The following TTC7B variants were observed in gnomAD, a reference collection of about 807,000 sequenced individuals.
TTC7B encodes tetratricopeptide repeat protein 7B.
A neutral mutation model predicts 106.8 loss-of-function variants in TTC7B; 28 were observed. The ratio of observed to expected loss-of-function variants is 0.26; its 90% CI spans 0.19 to 0.36. The LOEUF (loss-of-function observed/expected upper bound fraction) is 0.36. Ranked by LOEUF, TTC7B falls within the 10% of genes least tolerant of loss-of-function variation. The pLI is 1.00. For synonymous variants in TTC7B, 405 were observed against 430.6 expected, an observed-to-expected ratio of 0.94 and a Z score of 0.74; for missense variants, 862 against 1,076.4, an observed-to-expected ratio of 0.80 and a Z score of 2.79.
At chr14:90,651,026 T>C (rs1885694678) in intron 13 of TTC7B, among the ~76,000 whole-genome samples, 1 of 152,248 alleles carries the variant, frequency 6.6e-6, no homozygotes, top group African/African-American at 2.4e-5. Flanking sequence ...TGTGTTTTCT[T>C]TTTAAACAAA....
At position 90,805,234 on chromosome 14, in the gene TTC7B, C is replaced by T. The variant is rs1390911414; in HGVS notation, c.121+10941G>A. 1.3e-5 allele frequency among the ~76,000 whole-genome samples: 2 copies of T among 152,118 alleles called. No individual in the cohort carries two copies. Among genetic ancestry groups the T allele is most frequent in the East Asian group, 3.9e-4 (2 of 5,192 alleles). ...ACACAGTAGGTGTTCAGTAAGAGCT[C>T]GATGAGTAATGAATCTAAGTAAACT... On this transcript the variant is annotated intron_variant, in intron 1 of 19. Transcript: ENST00000328459. The surrounding 1 kb of genome is among the most constrained non-coding windows in gnomAD (Gnocchi z 4.0).
At chr14:90,658,635 G>C (rs145394515) in intron 9 of TTC7B, among the ~76,000 whole-genome samples, 179 of 152,306 alleles carry the variant, frequency 1.2e-3, no homozygotes, top group African/African-American at 4.0e-3. Flanking sequence ...GAGTAGCTTT[G>C]TATCTGGCAC....
intron 7 of TTC7B, among the ~76,000 whole-genome samples, chr14:90,685,602 G>A (rs1288446116): frequency 6.6e-6 from 1 of 152,140 alleles, no homozygotes; most frequent in African/African-American, 2.4e-5. Context: ...CTTTTAGTTA[G>A]ACTGACTCTA....
chr14:90,794,340 C>T (rs1362361564), intron 1 of TTC7B, among the ~76,000 whole-genome samples: 4 of 151,034 alleles, frequency 2.6e-5, no homozygotes, highest in Non-Finnish European at 4.4e-5. Context: ...GATTCTCCTA[C>T]CTCAGCCTCC....
At position 90,536,862 on chromosome 14, in the gene TTC7B, G is replaced by A. The variant is rs1889430561; in HGVS notation, c.*4506C>T. The A allele has an allele frequency of 2.0e-5, 3 of 152,354 alleles. No homozygotes were observed. Among genetic ancestry groups the A allele is most frequent in the Admixed American group, 1.3e-4 (2 of 15,292 alleles). 9.4% of individuals were successfully genotyped at this position (152,354 alleles called of 1,614,324 possible). A position where few individuals can be genotyped will look rare whatever the true frequency, so the allele number is the denominator to read the frequency against. The stretch of plus-strand genomic sequence containing the variant: ...ATGACAGATGGAGCGATGCAGATGT[G>A]ATTGAACGAAGGCTCTCGAGGTGGG... On this transcript the variant is annotated 3_prime_UTR_variant, in exon 20 of 20. Coordinates refer to ENST00000328459, the MANE Select transcript of TTC7B (RefSeq NM_001010854.2).
intron 2 of TTC7B, among the ~76,000 whole-genome samples, chr14:90,785,353 C>T (rs1212983648): frequency 2.6e-5 from 4 of 152,096 alleles, no homozygotes; most frequent in East Asian, 3.9e-4. Context: ...TAAAAGGAAA[C>T]GGAAGTCAGA....
At chr14:90,816,011 GGGCTCCCCCA>G (rs1443667049) in intron 1 of TTC7B, among the ~76,000 whole-genome samples, 154 bp downstream of exon 1, 1 of 150,700 alleles carries the variant, frequency 6.6e-6, no homozygotes. Context: ...CGGGGCACCC[GGGCTCCCCCA>G]GGCCCCGGTC....
chr14:90,758,870 A>G (rs1176910315), intron 3 of TTC7B, among the ~76,000 whole-genome samples: 1 of 152,212 alleles, frequency 6.6e-6, no homozygotes, highest in Non-Finnish European at 1.5e-5. Flanking sequence ...TCCTGTCTCT[A>G]GCTCTGGAGT....
chr14:90,734,546 A>G (rs939456251), intron 4 of TTC7B, among the ~76,000 whole-genome samples: 1 of 152,066 alleles, frequency 6.6e-6, no homozygotes, highest in Non-Finnish European at 1.5e-5. Context: ...TCTATAGAAG[A>G]CTTCAGTATT....
At chr14:90,544,861 C>T (rs545761128) in intron 19 of TTC7B, among the ~76,000 whole-genome samples, 1 of 152,294 alleles carries the variant, frequency 6.6e-6, no homozygotes, top group Non-Finnish European at 1.5e-5. Flanking sequence ...GAGACACATG[C>T]TGCATGCTTC....
intron 15 of TTC7B, among the ~76,000 whole-genome samples, chr14:90,640,033 C>T (rs892584949): frequency 6.6e-6 from 1 of 152,222 alleles, no homozygotes; most frequent in African/African-American, 2.4e-5. Flanking sequence ...AATCCCAGCA[C>T]TTTGGGAGGC....
intron 15 of TTC7B, among the ~76,000 whole-genome samples, chr14:90,639,012 C>G (rs373314083): frequency 6.6e-6 from 1 of 152,194 alleles, no homozygotes; most frequent in African/African-American, 2.4e-5. Context: ...GGGAAAATCA[C>G]ATTGGCTGGC....
chr14:90,610,838 C>A lies in TTC7B; in HGVS notation c.1870G>T (p.Asp624Tyr). ...KSCYNLTNPS[D>Y]SGRGSSLLDR... ...AAGAGGCTGCTCCCACGTCCAGAAT[C>A]ACTGCAAAACACAGCTACAAATGTC... The change falls in exon 17 of 20, where the codon GAT becomes TAT. Residue 624 changes from aspartate (D) to tyrosine (Y), a missense_variant and splice_region_variant. By Grantham distance (160) the Asp-to-Tyr change is radical. Transcript: ENST00000328459. 6.2e-7 allele frequency: 1 copy of A among 1,610,590 alleles called. No individual in the cohort carries two copies. The highest frequency in any genetic ancestry group is 1.1e-5 in the South Asian group (1 of 91,004).
intron 5 of TTC7B, 86 bp downstream of exon 5, chr14:90,729,989 T>C: frequency 7.4e-7 from 1 of 1,352,108 alleles, no homozygotes; most frequent in Non-Finnish European, 9.8e-7. Flanking sequence ...ATTCCTTTAT[T>C]ATAATAACTA....
At chr14:90,775,172 T>C (rs1369984275) in intron 3 of TTC7B, among the ~76,000 whole-genome samples, 1 of 151,962 alleles carries the variant, frequency 6.6e-6, no homozygotes, top group Non-Finnish European at 1.5e-5. Flanking sequence ...AGCCGGCCTC[T>C]CCCCTCTCCC....
intron 17 of TTC7B, among the ~76,000 whole-genome samples, chr14:90,602,789 T>C (rs957003141): frequency 6.6e-6 from 1 of 152,178 alleles, no homozygotes; most frequent in Non-Finnish European, 1.5e-5. Context: ...TTTTATGATG[T>C]CTGCTTATTT....
rs1007803723 is a variant in TTC7B, at chr14:90,575,961, C to A, written c.2310+2145G>T. ...AGTCATTGCCGATGGACCCAGCAGG[C>A]GGGGCTCACCATGGCCCTAGTCTCA... is the stretch of plus-strand genomic sequence containing the variant. On this transcript the variant is annotated intron_variant, in intron 19 of 19. Transcript: ENST00000328459. The surrounding 1 kb of genome is among the most constrained non-coding windows in gnomAD (Gnocchi z 5.2). Among the ~76,000 whole-genome samples, 2 of 152,088 alleles carry A rather than the reference C, an allele frequency of 1.3e-5. No individual in the cohort carries two copies. Among genetic ancestry groups the A allele is most frequent in the Admixed American group, 1.3e-4 (2 of 15,274 alleles).
At chr14:90,736,502 G>A (rs1334921283) in intron 4 of TTC7B, among the ~76,000 whole-genome samples, 1 of 152,026 alleles carries the variant, frequency 6.6e-6, no homozygotes, top group Non-Finnish European at 1.5e-5. Flanking sequence ...AACCCAGGAG[G>A]CGGAGGTAGC....
intron 5 of TTC7B, 29 bp from the exon 6 acceptor site, chr14:90,695,607 C>A: frequency 6.9e-7 from 1 of 1,454,408 alleles, no homozygotes; most frequent in Non-Finnish European, 9.5e-7. Flanking sequence ...TGACGGTTTT[C>A]ATCTGGCATG....
Sources: allele counts gnomAD v4.1 joint callset (sites outside exome capture counted in the v4.1 genomes callset), GRCh38; gene constraint gnomAD v4.1.1; non-coding constraint Gnocchi (gnomAD v3.1); transcripts MANE v1.5; gene names NCBI Gene and HGNC (gene_info 2026-07-23, HGNC 2026-07-21).